The following HDAC5 variants were observed in gnomAD, a reference collection of about 807,000 sequenced individuals.
HDAC5 encodes the protein histone deacetylase 5, also known as antigen NY-CO-9.
A neutral mutation model predicts 133.3 loss-of-function variants in HDAC5; 25 were observed. The observed-to-expected ratio is 0.19, with a 90% CI of 0.14 to 0.26. HDAC5 has a LOEUF of 0.26. Ranked by LOEUF, HDAC5 falls within the 10% of genes least tolerant of loss-of-function variation. The pLI is 1.00. For missense variants in HDAC5, 1,041 were observed against 1,460.5 expected (o/e 0.71, Z 4.68); for synonymous variants, 589 against 610.8 (o/e 0.96, Z 0.53).
chr17:44,083,687 C>G, intron 17 of HDAC5, 35 bp from the exon 18 acceptor site: 1 of 1,596,736 alleles, frequency 6.3e-7, no homozygotes, highest in Non-Finnish European at 8.6e-7. Context: ...AGTGTGCCCC[C>G]TGCAGGGCAA....
At chr17:44,087,389 C>A (rs1478408587) in intron 13 of HDAC5, 23 bp downstream of exon 13, 1 of 793,926 alleles carries the variant, frequency 1.3e-6, no homozygotes, top group Non-Finnish European at 2.3e-6. Flanking sequence ...TGACCAAGGA[C>A]TGGGACCAGG....
chr17:44,090,414 G>A (rs2050886554), intron 11 of HDAC5, among the ~76,000 whole-genome samples: 1 of 151,878 alleles, frequency 6.6e-6, no homozygotes, highest in Non-Finnish European at 1.5e-5. Flanking sequence ...TCGCTCTGTT[G>A]CCCAGGCTTG....
At chr17:44,113,532 C>T (rs1027485005) in intron 2 of HDAC5, among the ~76,000 whole-genome samples, 2 of 152,132 alleles carry the variant, frequency 1.3e-5, no homozygotes, top group African/African-American at 2.4e-5. Flanking sequence ...AACTTCAATC[C>T]TTCATGCTTT....
chr17:44,103,355 A>G (rs1300049200), intron 3 of HDAC5, among the ~76,000 whole-genome samples: 1 of 152,234 alleles, frequency 6.6e-6, no homozygotes, highest in Non-Finnish European at 1.5e-5. Context: ...CTCACCTAGC[A>G]ATTTTCACAA....
Position 44,079,314 on chromosome 17 carries a change from G to A in HDAC5, c.2945-37C>T, listed in dbSNP as rs764261896. ...GGTGAAGGGAGGAAGAAGAAATGGC[G>A]AAAGGTAATCAATCAATTCAAGAGC... On this transcript the variant is annotated intron_variant, in intron 23 of 26. Transcript: ENST00000682912. 17 of 1,601,354 alleles carry A rather than the reference G, an allele frequency of 1.1e-5. No homozygotes were observed. In the Admixed American group the frequency reaches 1.3e-4, roughly 13 times the overall value.
Position 44,093,202 on chromosome 17 carries a change from G to T in HDAC5, c.531C>A (p.Ala177=). Residue 177 remains alanine, a synonymous_variant, in exon 6 of 27, where the codon GCC becomes GCA. Transcript: ENST00000682912. ...TCAGCTTTACCTCAGTGCTGGCAATGGCACCTGCAGGACAGGGCACAACTG... is the reference window on the plus strand; with the variant it reads ...TCAGCTTTACCTCAGTGCTGGCAATTGCACCTGCAGGACAGGGCACAACTG... ...LRNKEKSKES[A]IASTEVKLRL... 6.2e-7 allele frequency: 1 copy of T among 1,610,940 alleles called. No homozygotes were observed. The highest frequency in any genetic ancestry group is 8.5e-7 in the Non-Finnish European group (1 of 1,178,110).
In HDAC5 at chr17:44,084,610, C is replaced by T; in HGVS notation, c.2250G>A (p.Leu750=). Residue 750 remains leucine, a synonymous_variant, in exon 16 of 27, where the codon CTG becomes CTA. Transcript: ENST00000682912. ...GGTTGAGGGGACTGGTCCCATAGAG[C>T]AGGGTGTGGTATTCAGAGTGCACTG... The part of the protein sequence containing the change: ...IQTVHSEYHT[L]LYGTSPLNRQ... 1 of 1,614,116 alleles carries T rather than the reference C, an allele frequency of 6.2e-7. No individual in the cohort carries two copies. The highest frequency in any genetic ancestry group is 8.5e-7 in the Non-Finnish European group (1 of 1,179,998).
At chr17:44,121,515 T>G (rs1437510975) in intron 1 of HDAC5, among the ~76,000 whole-genome samples, 1 of 140,594 alleles carries the variant, frequency 7.1e-6, no homozygotes, top group Non-Finnish European at 1.5e-5. Context: ...ACATCCCTCC[T>G]CAAAGGGATG....
intron 3 of HDAC5, among the ~76,000 whole-genome samples, chr17:44,099,285 G>GC (rs1379211848): frequency 1.3e-5 from 2 of 151,836 alleles, no homozygotes; most frequent in Non-Finnish European, 2.9e-5. Context: ...AAAGCCTTGG[G>GC]CCCCCCGCAC....
chr17:44,107,921 G>A lies in HDAC5; in HGVS notation c.94+2808C>T, dbSNP rs187182579. Among the ~76,000 whole-genome samples the A allele has an allele frequency of 6.5e-4, 99 of 152,246 alleles. 1 individual carries two copies. The East Asian group carries it at 0.018, about 27-fold the overall frequency. On this transcript the variant is annotated intron_variant, in intron 3 of 26. Transcript: ENST00000682912. ...TCCATGCCATCTCATAAAGTCCTGC[G>A]TATTGTCTGGGCATCAGCTCCACCC...
At chr17:44,087,306 A>G in intron 13 of HDAC5, 106 bp downstream of exon 13, 1 of 671,710 alleles carries the variant, frequency 1.5e-6, no homozygotes, top group Non-Finnish European at 2.7e-6. Context: ...GCTCCTGCAC[A>G]GCCTGGAAAC....
rs1040736774 is a variant in HDAC5 at position 44,117,029 on chromosome 17, C to T, written c.22+465G>A. Reference sequence around the variant, plus strand: ...CACACGGAGGTTAAGGCCCAGTGCCCTTGTAAACCTCCACTAAGAAAAAAG... The same window carrying T: ...CACACGGAGGTTAAGGCCCAGTGCCTTTGTAAACCTCCACTAAGAAAAAAG... On this transcript the variant is annotated intron_variant, in intron 2 of 26. Transcript: ENST00000682912. The surrounding 1 kb of genome is among the most constrained non-coding windows in gnomAD (Gnocchi z 4.2). 6.6e-6 allele frequency among the ~76,000 whole-genome samples: 1 copy of T among 152,236 alleles called. No homozygotes were observed. The highest frequency in any genetic ancestry group is 1.5e-5 in the Non-Finnish European group (1 of 68,044).
chr17:44,079,487 A>G, intron 23 of HDAC5, among the ~76,000 whole-genome samples: 1 of 151,994 alleles, frequency 6.6e-6, no homozygotes, highest in Non-Finnish European at 1.5e-5. Context: ...TAAAAATACA[A>G]TAATTAGCCG....
intron 2 of HDAC5, chr17:44,111,173 T>G: frequency 2.8e-6 from 1 of 356,866 alleles, no homozygotes; most frequent in Non-Finnish European, 5.5e-6. Flanking sequence ...GGGCTCTGTG[T>G]TCCCTCCCAA....
At chr17:44,099,091 G>A (rs2051433578) in intron 3 of HDAC5, among the ~76,000 whole-genome samples, 1 of 152,142 alleles carries the variant, frequency 6.6e-6, no homozygotes. Flanking sequence ...ACTCCAGCCT[G>A]GGCAACAAGA....
At chr17:44,093,022 T>C in intron 6 of HDAC5, 70 bp downstream of exon 6, 2 of 1,140,704 alleles carry the variant, frequency 1.8e-6, no homozygotes, top group Non-Finnish European at 2.5e-6. Flanking sequence ...AGAAGCCCCT[T>C]GCCATCCTAT....
Position 44,116,355 on chromosome 17 carries a change from C to A in HDAC5, c.22+1139G>T, listed in dbSNP as rs144999827. On this transcript the variant is annotated intron_variant, in intron 2 of 26. Coordinates refer to ENST00000682912, the MANE Select transcript of HDAC5 (RefSeq NM_005474.5). ...AAGCAAGAGGGCAGAGCTGGGCAGC[C>A]CACCTGTCCCAGCCCCTAGGGGCTG... Among the ~76,000 whole-genome samples, 400 of 152,310 alleles carry A rather than the reference C, an allele frequency of 2.6e-3. 2 individuals are homozygous for A. Among genetic ancestry groups the A allele is most frequent in the African/African-American group, 9.2e-3 (383 of 41,576 alleles).
chr17:44,092,267 T>C lies in HDAC5; in HGVS notation c.937A>G (p.Ser313Gly). The change falls in exon 9 of 27, where the codon AGC becomes GGC. Residue 313 changes from serine to glycine, a missense_variant. Physicochemically the swap from Ser to Gly is moderately conservative, Grantham distance 56. Transcript: ENST00000682912. ...AGPGASSVCN[S>G]APGSGPSSPN... The stretch of plus-strand genomic sequence containing the variant: ...GAGCTGGGGCCGGAGCCGGGTGCGC[T>C]GTTACACACGGACGACGCTATAGGA... The C allele has an allele frequency of 1.1e-5, 18 of 1,613,994 alleles. No individual in the cohort carries two copies. Among genetic ancestry groups the C allele is most frequent in the Non-Finnish European group, 1.5e-5 (18 of 1,179,966 alleles).
intron 17 of HDAC5, 27 bp downstream of exon 17, chr17:44,083,774 GCCCA>G: frequency 4.2e-6 from 3 of 706,038 alleles, no homozygotes; most frequent in Non-Finnish European, 7.1e-6. Context: ...AGAGCCGCCC[GCCCA>G]CCCCCACTGC....
Sources: gnomAD v4.1 joint callset for allele counts (sites outside exome capture counted in the v4.1 genomes callset) on GRCh38, gnomAD v4.1.1 for gene constraint, Gnocchi (gnomAD v3.1) non-coding constraint, MANE v1.5 for transcripts, NCBI Gene and HGNC (gene_info 2026-07-23, HGNC 2026-07-21) for gene names.